The following TMEM161B variants were observed in gnomAD, a reference collection of about 807,000 sequenced individuals.
The protein encoded by TMEM161B is transmembrane protein 161B.
TMEM161B carries 34 observed loss-of-function variants against 61.8 expected under a neutral mutation model. The ratio of observed to expected loss-of-function variants is 0.55; its 90% CI spans 0.42 to 0.73. The LOEUF (loss-of-function observed/expected upper bound fraction) is 0.73. Ranked by LOEUF, TMEM161B falls within the 30% of genes least tolerant of loss-of-function variation. The probability of loss-of-function intolerance (pLI) is 0.00; values close to 1 mark genes in which losing one functional copy is unlikely to be tolerated. For synonymous variants in TMEM161B, 167 were observed against 192.8 expected, an observed-to-expected ratio of 0.87 and a Z score of 1.11; for missense variants, 456 against 558.5, an observed-to-expected ratio of 0.82 and a Z score of 1.85.
At chr5:88,221,041 T>C (rs1173313473) in intron 4 of TMEM161B, among the ~76,000 whole-genome samples, 3 of 152,302 alleles carry the variant, frequency 2.0e-5, no homozygotes, top group Middle Eastern at 6.8e-3. Flanking sequence ...TTTACAGAAA[T>C]TATTAGTAAA....
intron 1 of TMEM161B, among the ~76,000 whole-genome samples, chr5:88,258,774 C>G (rs1755319283): frequency 6.6e-6 from 1 of 152,120 alleles, no homozygotes; most frequent in Non-Finnish European, 1.5e-5. Flanking sequence ...CTAAGTGGTT[C>G]AGCACATTGG....
chr5:88,216,646 C>T (rs546506355), intron 5 of TMEM161B, among the ~76,000 whole-genome samples: 15 of 152,250 alleles, frequency 9.9e-5, no homozygotes, highest in South Asian at 6.2e-4. Flanking sequence ...AAAGAGGCAA[C>T]GGAAAGGTAG....
intron 1 of TMEM161B, among the ~76,000 whole-genome samples, chr5:88,247,476 G>A (rs775036881): frequency 3.9e-5 from 6 of 152,004 alleles, no homozygotes; most frequent in Non-Finnish European, 7.4e-5. Flanking sequence ...AATGGTTTCA[G>A]TTATCTCCCT....
At chr5:88,262,562 C>T (rs896817840) in intron 1 of TMEM161B, among the ~76,000 whole-genome samples, 4 of 152,082 alleles carry the variant, frequency 2.6e-5, no homozygotes, top group African/African-American at 9.7e-5. Flanking sequence ...TATTATTAAA[C>T]CCTATAAAGA....
downstream of TMEM161B, chr5:88,194,946 C>A (rs1749375140): frequency 6.0e-6 from 1 of 165,580 alleles, no homozygotes; most frequent in East Asian, 1.9e-4. Context: ...TACTTTTTTT[C>A]ATTTCCCTTG....
intron 1 of TMEM161B, among the ~76,000 whole-genome samples, chr5:88,262,143 G>A (rs1755771247): frequency 6.6e-6 from 1 of 152,066 alleles, no homozygotes; most frequent in Admixed American, 6.5e-5. Flanking sequence ...AAGACATACA[G>A]ACAGCAAATA....
intron 1 of TMEM161B, 64 bp downstream of exon 1, chr5:88,268,657 A>C: frequency 6.2e-7 from 1 of 1,610,388 alleles, no homozygotes; most frequent in African/African-American, 1.3e-5. Flanking sequence ...CTCTTTTCAC[A>C]GTACTGACCT....
chr5:88,229,558 C>G (rs560752136), intron 2 of TMEM161B, among the ~76,000 whole-genome samples: 1 of 150,788 alleles, frequency 6.6e-6, no homozygotes, highest in East Asian at 2.0e-4. Flanking sequence ...CAAATCTTAT[C>G]AAGACCCATG....
intron 2 of TMEM161B, among the ~76,000 whole-genome samples, chr5:88,235,217 CT>C (rs1269258533): frequency 1.3e-5 from 2 of 152,120 alleles, no homozygotes; most frequent in African/African-American, 4.8e-5. Context: ...ATTTATAGTG[CT>C]TTAGAAATTT....
At chr5:88,194,456 T>C (rs1296842626), downstream of TMEM161B, among the ~76,000 whole-genome samples, 1 of 152,114 alleles carries the variant, frequency 6.6e-6, no homozygotes, top group Non-Finnish European at 1.5e-5. Flanking sequence ...CAATAACAGA[T>C]GAGTGCAGGT....
chr5:88,264,694 A>G (rs1271212116), intron 1 of TMEM161B, among the ~76,000 whole-genome samples: 8 of 152,156 alleles, frequency 5.3e-5, no homozygotes, highest in African/African-American at 1.9e-4. Flanking sequence ...ACCCAAATAC[A>G]CATCAATGAT....
chr5:88,258,420 G>A (rs1365528981), intron 1 of TMEM161B, among the ~76,000 whole-genome samples: 2 of 152,182 alleles, frequency 1.3e-5, no homozygotes, highest in Admixed American at 6.5e-5. Flanking sequence ...AGGGAGGAAG[G>A]AGTAAGTATG....
intron 1 of TMEM161B, among the ~76,000 whole-genome samples, chr5:88,262,563 C>T (rs1755817776): frequency 6.6e-6 from 1 of 151,944 alleles, no homozygotes; most frequent in Non-Finnish European, 1.5e-5. Context: ...ATTATTAAAC[C>T]CTATAAAGAA....
rs1050944725 is a variant in TMEM161B at position 88,203,195 on chromosome 5, G to A, written c.801-120C>T. On this transcript the variant is annotated intron_variant, in intron 8 of 11. Transcript: ENST00000296595. ...TTATTTGCAGTATTCTACTACTTAC[G>A]ATACTACTGTCACCATCATTTTATA... 3.3e-5 allele frequency: 20 copies of A among 600,650 alleles called. No individual in the cohort carries two copies. In the Admixed American group the frequency reaches 4.5e-4, roughly 14 times the overall value. The allele number at this position is 600,650 out of a possible 1,614,324, so 37.2% of individuals were successfully genotyped here.
At chr5:88,231,209 G>A (rs1750931481) in intron 2 of TMEM161B, among the ~76,000 whole-genome samples, 1 of 152,106 alleles carries the variant, frequency 6.6e-6, no homozygotes, top group African/African-American at 2.4e-5. Flanking sequence ...AGTTTCCTAA[G>A]TACTATGAAT....
chr5:88,231,096 G>A (rs1328813370), intron 2 of TMEM161B, among the ~76,000 whole-genome samples: 3 of 152,054 alleles, frequency 2.0e-5, no homozygotes, highest in African/African-American at 7.2e-5. Context: ...GTGCCCAGAG[G>A]GTGAAATCCT....
chr5:88,186,358 T>A (rs964085378), downstream of TMEM161B, among the ~76,000 whole-genome samples: 1 of 152,196 alleles, frequency 6.6e-6, no homozygotes, highest in Non-Finnish European at 1.5e-5. Context: ...AGAACCTGAA[T>A]GAACCCAAGT....
intron 4 of TMEM161B, among the ~76,000 whole-genome samples, chr5:88,223,875 C>T (rs140595436): frequency 0.01 from 1,525 of 150,396 alleles, 17 homozygotes; most frequent in African/African-American, 0.034. Context: ...GGTGACAGAG[C>T]GAGACTCCAT....
intron 1 of TMEM161B, among the ~76,000 whole-genome samples, chr5:88,260,298 T>C (rs1428080463): frequency 1.3e-5 from 2 of 152,256 alleles, no homozygotes; most frequent in Non-Finnish European, 2.9e-5. Context: ...TCCCATAATG[T>C]ACATTCAGCT....
Sources: allele counts gnomAD v4.1 joint callset (sites outside exome capture counted in the v4.1 genomes callset), GRCh38; gene constraint gnomAD v4.1.1; transcripts MANE v1.5; gene names NCBI Gene and HGNC (gene_info 2026-07-23, HGNC 2026-07-21).